Variants in EXTL3 observed in about 807,000 individuals in gnomAD.
EXTL3 encodes the protein exostosin like glycosyltransferase 3.
In EXTL3, 27 loss-of-function variants were observed where a neutral mutation model predicts 69.3. That is an observed-to-expected ratio of 0.39 (90% CI 0.29 to 0.54). The LOEUF (loss-of-function observed/expected upper bound fraction) is 0.54. Ranked by LOEUF, EXTL3 falls within the 20% of genes least tolerant of loss-of-function variation. The probability of loss-of-function intolerance (pLI) is 0.69; values close to 1 mark genes in which losing one functional copy is unlikely to be tolerated. For synonymous variants in EXTL3, 511 were observed against 499.4 expected (o/e 1.02, Z -0.31); for missense variants, 1,003 against 1,231.8 (o/e 0.81, Z 2.78).
Position 28,717,087 on chromosome 8 carries a change from T to G in EXTL3, c.1028T>G (p.Phe343Cys). ...GTGCCGGTGAAGCGGAAATATCTCT[T>G]CACCTTCCAGGGCGAGAAGATTGAG... is the stretch of plus-strand genomic sequence containing the variant. Reference protein sequence around the residue: ...PQVPVKRKYLFTFQGEKIESL... With the variant: ...PQVPVKRKYLCTFQGEKIESL... Residue 343 changes from phenylalanine to cysteine, a missense_variant, in exon 3 of 7, where the codon TTC (phenylalanine) becomes TGC (cysteine). Around this residue, in one of 2 missense-constraint regions of EXTL3, gnomAD observed 742 missense variants for 815.4 expected, o/e 0.91. Coordinates refer to ENST00000220562, the MANE Select transcript of EXTL3 (RefSeq NM_001440.4). The surrounding 1 kb of genome is among the most constrained non-coding windows in gnomAD (Gnocchi z 8.3). 1 of 1,614,198 alleles carries G rather than the reference T, an allele frequency of 6.2e-7. No homozygotes were observed. Among genetic ancestry groups the G allele is most frequent in the Non-Finnish European group, 8.5e-7 (1 of 1,180,024 alleles).
chr8:28,655,731 C>T (rs946274001), intron 1 of EXTL3, among the ~76,000 whole-genome samples: 2 of 152,040 alleles, frequency 1.3e-5, no homozygotes, highest in East Asian at 1.9e-4. Flanking sequence ...TGGGCTCAAG[C>T]GATCCACCAG....
chr8:28,693,152 T>A (rs1800638070), intron 1 of EXTL3, among the ~76,000 whole-genome samples: 1 of 151,028 alleles, frequency 6.6e-6, no homozygotes, highest in Non-Finnish European at 1.5e-5. Context: ...TAACAGATTT[T>A]TTTTTTTTTT....
At chr8:28,635,241 G>T (rs1009732952) in intron 1 of EXTL3, among the ~76,000 whole-genome samples, 1 of 151,886 alleles carries the variant, frequency 6.6e-6, no homozygotes, top group African/African-American at 2.4e-5. Flanking sequence ...AATTCAGTAG[G>T]AAATACCCTT....
At chr8:28,722,014 A>G (rs1801300903) in intron 3 of EXTL3, among the ~76,000 whole-genome samples, 1 of 152,054 alleles carries the variant, frequency 6.6e-6, no homozygotes, top group African/African-American at 2.4e-5. Context: ...TCTTCTTCAT[A>G]AAGGGTATGG....
upstream of EXTL3, among the ~76,000 whole-genome samples, chr8:28,619,451 C>T (rs1177935829): frequency 6.6e-6 from 1 of 152,022 alleles, no homozygotes. Flanking sequence ...CGAAAGAACA[C>T]GCTTCCTCCG....
At chr8:28,738,730 GC>G (rs1801708838) in intron 5 of EXTL3, among the ~76,000 whole-genome samples, 1 of 152,236 alleles carries the variant, frequency 6.6e-6, no homozygotes, top group Non-Finnish European at 1.5e-5. Flanking sequence ...CCACATCTGT[GC>G]TTTGGCACAG....
chr8:28,723,089 C>A (rs1801333251), intron 3 of EXTL3, among the ~76,000 whole-genome samples: 1 of 152,194 alleles, frequency 6.6e-6, no homozygotes, highest in Non-Finnish European at 1.5e-5. Context: ...ATTCTCAGGG[C>A]TTACTCCTTA....
intron 1 of EXTL3, among the ~76,000 whole-genome samples, chr8:28,668,742 A>G (rs1040353359): frequency 6.7e-6 from 1 of 149,592 alleles, no homozygotes; most frequent in Admixed American, 6.7e-5. Context: ...TGAAGCCAGC[A>G]TCAGCCCCAA....
Position 28,716,724 on chromosome 8 carries a change from C to G in EXTL3, c.665C>G (p.Ala222Gly), listed in dbSNP as rs1387054206. Residue 222 changes from alanine to glycine, a missense_variant, in exon 3 of 7, where the codon GCA becomes GGA. By Grantham distance (60) the Ala-to-Gly change is moderately conservative (BLOSUM62 0). Transcript: ENST00000220562. This position sits in a 1 kb window ranked among gnomAD's most constrained non-coding sequence, Gnocchi z 7.1. The part of the protein sequence containing the change: ...PLVKQAFQAT[A>G]RANVYVTENA... ...GTCAAGCAGGCTTTTCAGGCGACAGCACGAGCTAACGTTTATGTTACAGAA... is the reference window on the plus strand; with the variant it reads ...GTCAAGCAGGCTTTTCAGGCGACAGGACGAGCTAACGTTTATGTTACAGAA... 2 of 1,614,218 alleles carry G rather than the reference C, an allele frequency of 1.2e-6. No homozygotes were observed.
chr8:28,738,605 C>A (rs1046325281), intron 5 of EXTL3, among the ~76,000 whole-genome samples: 1 of 152,140 alleles, frequency 6.6e-6, no homozygotes, highest in East Asian at 1.9e-4. Flanking sequence ...TCTAAGATTA[C>A]CCTGGCATTA....
intron 1 of EXTL3, among the ~76,000 whole-genome samples, chr8:28,704,916 A>G (rs1364459571): frequency 6.6e-6 from 1 of 152,170 alleles, no homozygotes; most frequent in African/African-American, 2.4e-5. Flanking sequence ...CAGCCTCCCA[A>G]AGTGCTGGGA....
At chr8:28,683,259 G>A (rs1807522073) in intron 1 of EXTL3, among the ~76,000 whole-genome samples, 1 of 152,060 alleles carries the variant, frequency 6.6e-6, no homozygotes, top group Admixed American at 6.6e-5. Context: ...ATGGACTTTA[G>A]GATTATTTTT....
chr8:28,650,421 G>A (rs940280034), intron 1 of EXTL3, among the ~76,000 whole-genome samples: 2 of 151,548 alleles, frequency 1.3e-5, no homozygotes, highest in Non-Finnish European at 2.9e-5. Context: ...GCAGTGGCGC[G>A]ATATCAGCTC....
intron 3 of EXTL3, among the ~76,000 whole-genome samples, chr8:28,730,924 TG>T (rs1801521456): frequency 6.6e-6 from 1 of 152,224 alleles, no homozygotes; most frequent in African/African-American, 2.4e-5. Context: ...TTGGGAGAGT[TG>T]TTTTTAATTT....
intron 1 of EXTL3, among the ~76,000 whole-genome samples, chr8:28,710,670 C>T (rs545487719): frequency 6.7e-6 from 1 of 148,612 alleles, no homozygotes; most frequent in South Asian, 2.1e-4. Context: ...GTGATCTCAC[C>T]TCCCACCTCA....
intron 1 of EXTL3, among the ~76,000 whole-genome samples, chr8:28,624,134 G>A (rs1806457258): frequency 6.6e-6 from 1 of 152,166 alleles, no homozygotes; most frequent in African/African-American, 2.4e-5. Flanking sequence ...TAAATATTTT[G>A]TTAAGCAGAA....
chr8:28,637,176 C>G (rs1047254148), intron 1 of EXTL3: 15 of 152,248 alleles, frequency 9.9e-5, no homozygotes, highest in African/African-American at 3.6e-4. Context: ...TGTAATCAAA[C>G]TTCTAGATTC....
upstream of EXTL3, among the ~76,000 whole-genome samples, chr8:28,622,237 G>GCTAAGCGGGAGGTAGCCCCGCACT (rs1806419089): frequency 6.6e-6 from 1 of 152,206 alleles, no homozygotes; most frequent in African/African-American, 2.4e-5. Flanking sequence ...TCCTTATGTC[G>GCTAAGCGGGAGGTAGCCCCGCACT]CTAAGCGGGA....
Position 28,713,004 on chromosome 8 carries a change from C to T in EXTL3, c.-569-453C>T, listed in dbSNP as rs1033760131. On this transcript the variant is annotated intron_variant, in intron 1 of 6. Coordinates refer to ENST00000220562, the MANE Select transcript of EXTL3 (RefSeq NM_001440.4). ...ATGGGTACCCATCATTCAGTGTCAA[C>T]AGCAGTCAGCTCACGGCCGATCTTG... Among the ~76,000 whole-genome samples the T allele has an allele frequency of 3.3e-5, 5 of 152,192 alleles. No homozygotes were observed. The South Asian group carries it at 8.3e-4, about 25-fold the overall frequency.
Sources: gnomAD v4.1 joint callset for allele counts (sites outside exome capture counted in the v4.1 genomes callset) on GRCh38, gnomAD v4.1.1 for gene constraint, gnomAD v4.1.1 regional missense constraint, Gnocchi (gnomAD v3.1) non-coding constraint, MANE v1.5 for transcripts, NCBI Gene and HGNC (gene_info 2026-07-23, HGNC 2026-07-21) for gene names.